Variants in ASTN2 observed in about 807,000 individuals in gnomAD.
ASTN2 encodes the protein astrotactin-2.
ASTN2 carries 54 observed loss-of-function variants against 139.8 expected under a neutral mutation model. The ratio of observed to expected loss-of-function variants is 0.39; its 90% CI spans 0.31 to 0.48. ASTN2 has a LOEUF of 0.48. Among genes scored for constraint, ASTN2 ranks in the 20% least tolerant of loss-of-function variants. The pLI is 0.95. For synonymous variants in ASTN2, 756 were observed against 719.5 expected (o/e 1.05, Z -0.81); for missense variants, 1,565 against 1,725.1 (o/e 0.91, Z 1.64).
At chr9:116,911,849 C>A (rs1048045005) in intron 10 of ASTN2, among the ~76,000 whole-genome samples, 7 of 152,074 alleles carry the variant, frequency 4.6e-5, no homozygotes, top group South Asian at 2.1e-4. Flanking sequence ...GCCAAGATTG[C>A]GCCACTGCAC....
chr9:116,974,506 C>CT (rs3038410), intron 10 of ASTN2, among the ~76,000 whole-genome samples: 7,485 of 110,854 alleles, frequency 0.068, 525 homozygotes, highest in Non-Finnish European at 0.077. Flanking sequence ...TTAGCCTGGA[C>CT]TTTTTTTTTT....
intron 1 of ASTN2, among the ~76,000 whole-genome samples, chr9:117,356,719 A>C (rs1003416818): frequency 1.3e-5 from 2 of 152,132 alleles, no homozygotes; most frequent in Admixed American, 1.3e-4. Context: ...AAGGAAGGTA[A>C]AAAAAATACT....
chr9:117,218,367 C>T (rs1409314411), intron 2 of ASTN2, among the ~76,000 whole-genome samples: 2 of 152,238 alleles, frequency 1.3e-5, no homozygotes, highest in East Asian at 3.9e-4. Flanking sequence ...TCCATCACCT[C>T]CAACTGAGTC....
intron 16 of ASTN2, chr9:116,700,716 T>TATCA (rs879167106): frequency 1.8e-5 from 3 of 166,960 alleles, no homozygotes; most frequent in African/African-American, 7.2e-5. Context: ...TCCATTTCTC[T>TATCA]ATCAAGCATT....
intron 7 of ASTN2, among the ~76,000 whole-genome samples, chr9:116,991,181 G>C (rs927723744): frequency 2.0e-5 from 3 of 151,964 alleles, no homozygotes; most frequent in African/African-American, 7.3e-5. Flanking sequence ...CATACACACA[G>C]AAACACATAC....
chr9:117,016,804 ATATATGTTT>A (rs2132606812), intron 6 of ASTN2, among the ~76,000 whole-genome samples: 1 of 114,378 alleles, frequency 8.7e-6, no homozygotes, highest in Admixed American at 9.5e-5. Context: ...TATAGGTTAT[ATATATGTTT>A]TATATATATA....
chr9:116,463,721 C>T (rs1224124432), intron 20 of ASTN2, among the ~76,000 whole-genome samples: 3 of 152,112 alleles, frequency 2.0e-5, no homozygotes, highest in African/African-American at 7.2e-5. Context: ...CAAATAACTT[C>T]ATTATAGTTA....
chr9:117,178,579 G>T (rs543492592), intron 3 of ASTN2, among the ~76,000 whole-genome samples: 1 of 152,162 alleles, frequency 6.6e-6, no homozygotes, highest in Non-Finnish European at 1.5e-5. Flanking sequence ...GGCAATGAAA[G>T]GACAATGGAT....
rs1847236099 is a variant in ASTN2 at position 116,423,475 on chromosome 9, G to A, written c.*2376C>T. On this transcript the variant is annotated 3_prime_UTR_variant, in exon 23 of 23. Transcript: ENST00000313400. ...AGTGCTGTAATTTTCTGCAACTGTTGAGCTAAATTGTTCCTCGGGTTGGGT... is the reference window on the plus strand; with the variant it reads ...AGTGCTGTAATTTTCTGCAACTGTTAAGCTAAATTGTTCCTCGGGTTGGGT... Among the ~76,000 whole-genome samples the A allele has an allele frequency of 6.6e-6, 1 of 152,162 alleles. No homozygotes were observed. The highest frequency in any genetic ancestry group is 2.4e-5 in the African/African-American group (1 of 41,442).
Position 117,414,478 on chromosome 9 carries a change from T to G in ASTN2, c.442+19A>C. 1.9e-6 allele frequency: 3 copies of G among 1,606,302 alleles called. No homozygotes were observed. Among genetic ancestry groups the G allele is most frequent in the Non-Finnish European group, 1.7e-6 (2 of 1,176,798 alleles). Reference sequence around the variant, plus strand: ...TCGGGGTTCCTTGGGATCTAGCGCGTGCCGGCGCCCAGCCTTACCCAGGGT... The same window carrying G: ...TCGGGGTTCCTTGGGATCTAGCGCGGGCCGGCGCCCAGCCTTACCCAGGGT... On this transcript the variant is annotated intron_variant, in intron 1 of 22. Transcript: ENST00000313400. This position sits in a 1 kb window ranked among gnomAD's most constrained non-coding sequence, Gnocchi z 4.2.
intron 15 of ASTN2, 105 bp from the exon 16 acceptor site, chr9:116,726,055 C>G: frequency 9.1e-7 from 1 of 1,104,172 alleles, no homozygotes; most frequent in South Asian, 1.5e-5. Context: ...TGTGCCTTAC[C>G]CCTCAGCACA....
At chr9:116,905,259 C>T (rs1834124596) in intron 10 of ASTN2, among the ~76,000 whole-genome samples, 1 of 152,046 alleles carries the variant, frequency 6.6e-6, no homozygotes, top group African/African-American at 2.4e-5. Flanking sequence ...TTGTATGCTG[C>T]CAGGAGCCAC....
chr9:117,166,912 TA>T (rs1388925440), intron 3 of ASTN2, among the ~76,000 whole-genome samples: 68 of 152,146 alleles, frequency 4.5e-4, no homozygotes, highest in African/African-American at 1.6e-3. Flanking sequence ...CTCAAAGGGA[TA>T]ATTATGTTGA....
At chr9:116,537,263 AT>A (rs1851679198) in intron 19 of ASTN2, among the ~76,000 whole-genome samples, 1 of 152,132 alleles carries the variant, frequency 6.6e-6, no homozygotes, top group Admixed American at 6.6e-5. Flanking sequence ...AGCTGTTCCT[AT>A]TTGGCCATCT....
At chr9:116,714,709 A>G (rs1036518077) in intron 16 of ASTN2, among the ~76,000 whole-genome samples, 1 of 152,176 alleles carries the variant, frequency 6.6e-6, no homozygotes, top group Non-Finnish European at 1.5e-5. Flanking sequence ...TGTCGGGAGG[A>G]GAATGCATCA....
intron 1 of ASTN2, among the ~76,000 whole-genome samples, chr9:117,407,316 A>C (rs1831024691): frequency 6.6e-6 from 1 of 152,164 alleles, no homozygotes; most frequent in Non-Finnish European, 1.5e-5. Context: ...TTACAAGAGG[A>C]TGGCCATTAT....
At chr9:116,524,845 C>A (rs1317492141) in intron 19 of ASTN2, among the ~76,000 whole-genome samples, 1 of 152,154 alleles carries the variant, frequency 6.6e-6, no homozygotes, top group East Asian at 1.9e-4. Context: ...GCAGCCTAGG[C>A]ATCTCTGATC....
intron 20 of ASTN2, among the ~76,000 whole-genome samples, chr9:116,449,202 T>G (rs968968360): frequency 6.6e-6 from 1 of 152,066 alleles, no homozygotes; most frequent in Non-Finnish European, 1.5e-5. Flanking sequence ...GCCCAGGAGT[T>G]CAAAACCAGT....
chr9:117,236,864 C>A (rs1375960262), intron 2 of ASTN2, among the ~76,000 whole-genome samples: 2 of 152,194 alleles, frequency 1.3e-5, no homozygotes, highest in African/African-American at 4.8e-5. Flanking sequence ...TAGCGTCTAA[C>A]ACCTAGTAAA....
Sources: gnomAD v4.1 joint callset for allele counts (sites outside exome capture counted in the v4.1 genomes callset) on GRCh38, gnomAD v4.1.1 for gene constraint, Gnocchi (gnomAD v3.1) non-coding constraint, MANE v1.5 for transcripts, NCBI Gene and HGNC (gene_info 2026-07-23, HGNC 2026-07-21) for gene names.